Variants in FIGN observed in about 807,000 individuals in gnomAD.
FIGN encodes the protein fidgetin, microtubule severing factor.
FIGN carries 11 observed loss-of-function variants against 51.3 expected under a neutral mutation model. The observed-to-expected ratio is 0.21, with a 90% CI of 0.13 to 0.35. The LOEUF (loss-of-function observed/expected upper bound fraction) is 0.35. FIGN is among the 10% of genes least tolerant of loss of function. The pLI, the probability that FIGN is intolerant of heterozygous loss-of-function variation, is 1.00. For synonymous variants in FIGN, 407 were observed against 363.2 expected, an observed-to-expected ratio of 1.12 and a Z score of -1.37; for missense variants, 857 against 943.6, an observed-to-expected ratio of 0.91 and a Z score of 1.20.
intron 2 of FIGN, among the ~76,000 whole-genome samples, chr2:163,675,670 G>A (rs1208385205): frequency 1.4e-5 from 2 of 143,602 alleles, no homozygotes; most frequent in African/African-American, 5.1e-5. Flanking sequence ...TACTTGCCAA[G>A]TCCCTTTACT....
At chr2:163,693,134 T>A (rs1684263652) in intron 2 of FIGN, among the ~76,000 whole-genome samples, 1 of 152,184 alleles carries the variant, frequency 6.6e-6, no homozygotes, top group Admixed American at 6.5e-5. Flanking sequence ...ACACCTCTAA[T>A]TTCCAAGTGA....
chr2:163,682,038 G>C (rs1368644229), intron 2 of FIGN, among the ~76,000 whole-genome samples: 1 of 152,144 alleles, frequency 6.6e-6, no homozygotes, highest in African/African-American at 2.4e-5. Flanking sequence ...GATGTGCTAA[G>C]AGACCAAGAC....
At chr2:163,690,692 A>G (rs1428131110) in intron 2 of FIGN, among the ~76,000 whole-genome samples, 4 of 152,124 alleles carry the variant, frequency 2.6e-5, no homozygotes, top group African/African-American at 9.7e-5. Context: ...AAAAGTTGAA[A>G]GGTGGCTCAA....
intron 2 of FIGN, among the ~76,000 whole-genome samples, chr2:163,631,916 G>A (rs1683151395): frequency 6.6e-6 from 1 of 152,182 alleles, no homozygotes; most frequent in Non-Finnish European, 1.5e-5. Flanking sequence ...GGGAGGCCGA[G>A]GTGGGTGGAT....
chr2:163,671,582 C>A (rs762010543), intron 2 of FIGN, among the ~76,000 whole-genome samples: 1 of 152,160 alleles, frequency 6.6e-6, no homozygotes, highest in African/African-American at 2.4e-5. Context: ...TGAAAGATAA[C>A]TCACAAAATT....
intron 2 of FIGN, among the ~76,000 whole-genome samples, chr2:163,695,948 T>C (rs528949106): frequency 3.9e-5 from 6 of 152,038 alleles, no homozygotes; most frequent in Non-Finnish European, 7.4e-5. Context: ...GGGTCTCTAC[T>C]AAATATACAA....
intron 2 of FIGN, among the ~76,000 whole-genome samples, chr2:163,686,569 T>C (rs1684153082): frequency 6.6e-6 from 1 of 152,128 alleles, no homozygotes; most frequent in Admixed American, 6.6e-5. Flanking sequence ...GATTATCACA[T>C]TACACATATA....
intron 2 of FIGN, among the ~76,000 whole-genome samples, chr2:163,638,580 C>G (rs1490305346): frequency 6.6e-6 from 1 of 152,128 alleles, no homozygotes; most frequent in Non-Finnish European, 1.5e-5. Context: ...TACACAGGCA[C>G]AAGCAAAAGG....
intron 2 of FIGN, among the ~76,000 whole-genome samples, chr2:163,648,118 C>A (rs1166558817): frequency 6.6e-6 from 1 of 151,892 alleles, no homozygotes; most frequent in Non-Finnish European, 1.5e-5. Flanking sequence ...TCAGAGTTGC[C>A]CCCCAAAAAG....
At chr2:163,691,339 T>C (rs1180501504) in intron 2 of FIGN, among the ~76,000 whole-genome samples, 2 of 151,986 alleles carry the variant, frequency 1.3e-5, no homozygotes, top group Non-Finnish European at 2.9e-5. Context: ...GAAAAGAAAA[T>C]ATGGCAACCC....
At chr2:163,615,927 G>A (rs949856483) in intron 2 of FIGN, among the ~76,000 whole-genome samples, 12 of 152,188 alleles carry the variant, frequency 7.9e-5, no homozygotes, top group Middle Eastern at 3.4e-3. Context: ...ATCATGCAAC[G>A]TGTTTTTTGA....
chr2:163,618,426 T>TA (rs397740113), intron 2 of FIGN, among the ~76,000 whole-genome samples: 10 of 151,658 alleles, frequency 6.6e-5, no homozygotes, highest in Admixed American at 5.9e-4. Context: ...TTTTTTTTTT[T>TA]AAACAATTAT....
intron 2 of FIGN, among the ~76,000 whole-genome samples, chr2:163,651,822 G>A (rs1408675076): frequency 6.6e-6 from 1 of 152,156 alleles, no homozygotes; most frequent in Non-Finnish European, 1.5e-5. Context: ...GTACAACACC[G>A]TACCATGTTA....
rs1691055608 is a variant in FIGN at position 163,604,936 on chromosome 2, C to CTTGTTTTTTTT, written c.*4615_*4616insAAAAAAAACAA. 1.1e-5 allele frequency: 1 copy of CTTGTTTTTTTT among 94,258 alleles called. No individual in the cohort carries two copies. Among genetic ancestry groups the CTTGTTTTTTTT allele is most frequent in the Non-Finnish European group, 1.9e-5 (1 of 53,126 alleles). 5.8% of individuals were successfully genotyped at this position (94,258 alleles called of 1,614,324 possible). A position where few individuals can be genotyped will look rare whatever the true frequency, so the allele number is the denominator to read the frequency against. ...TTTTAAGCCCAGAAATAAACTTTTGCTTTTTTTTTTTTTTTTTTTGTATCA... is the reference window on the plus strand; with the variant it reads ...TTTTAAGCCCAGAAATAAACTTTTGCTTGTTTTTTTTTTTTTTTTTTTTTTTTTTTGTATCA... On this transcript the variant is annotated 3_prime_UTR_variant, in exon 3 of 3. Transcript: ENST00000333129.
At chr2:163,682,653 G>T (rs569138802) in intron 2 of FIGN, among the ~76,000 whole-genome samples, 1 of 152,300 alleles carries the variant, frequency 6.6e-6, no homozygotes, top group East Asian at 1.9e-4. Context: ...GCTTTTATAG[G>T]TGAAAGTGAG....
At chr2:163,692,024 A>G (rs1428845924) in intron 2 of FIGN, among the ~76,000 whole-genome samples, 1 of 152,190 alleles carries the variant, frequency 6.6e-6, no homozygotes, top group African/African-American at 2.4e-5. Flanking sequence ...TAGGGAAAAG[A>G]TTATTTTTCT....
At chr2:163,661,517 C>G (rs1214053461) in intron 2 of FIGN, among the ~76,000 whole-genome samples, 5 of 152,114 alleles carry the variant, frequency 3.3e-5, no homozygotes. Context: ...CTGCCTCAGC[C>G]TCCCAAGTAG....
intron 2 of FIGN, among the ~76,000 whole-genome samples, chr2:163,653,141 A>T (rs1044465066): frequency 6.6e-6 from 1 of 152,160 alleles, no homozygotes; most frequent in African/African-American, 2.4e-5. Flanking sequence ...CCTACCTCAT[A>T]GGATTATTGT....
chr2:163,677,682 T>G (rs973473253), intron 2 of FIGN, among the ~76,000 whole-genome samples: 6 of 152,228 alleles, frequency 3.9e-5, no homozygotes, highest in Non-Finnish European at 2.9e-5. Context: ...TAAATTCTCT[T>G]TTTTTATTCA....
Sources: allele counts gnomAD v4.1 joint callset (sites outside exome capture counted in the v4.1 genomes callset), GRCh38; gene constraint gnomAD v4.1.1; transcripts MANE v1.5; gene names NCBI Gene and HGNC (gene_info 2026-07-23, HGNC 2026-07-21).